BCAR3: variants seen among roughly 807,000 people sequenced by gnomAD.
BCAR3 encodes breast cancer anti-estrogen resistance protein 3.
Under a neutral mutation model 80.1 loss-of-function variants are expected in BCAR3, and 37 were observed. That is an observed-to-expected ratio of 0.46 (90% CI 0.36 to 0.61). The LOEUF is 0.61. Among genes scored for constraint, BCAR3 ranks in the 20% least tolerant of loss-of-function variants. The pLI is 0.00. For missense variants in BCAR3, 978 were observed against 1,068.2 expected (o/e 0.92, Z 1.18); for synonymous variants, 389 against 418.9 (o/e 0.93, Z 0.87).
chr1:93,787,432 T>C (rs1271791717), intron 2 of BCAR3, among the ~76,000 whole-genome samples: 2 of 152,194 alleles, frequency 1.3e-5, no homozygotes, highest in African/African-American at 4.8e-5. Context: ...TTCAAACTTT[T>C]TGATGTAGGG....
At chr1:93,669,488 A>C (rs1476224625) in intron 2 of BCAR3, among the ~76,000 whole-genome samples, 1 of 152,190 alleles carries the variant, frequency 6.6e-6, no homozygotes, top group Non-Finnish European at 1.5e-5. Context: ...CAGTTAAAAC[A>C]CTTGTGACGA....
At chr1:93,754,659 T>G (rs2100715632) in intron 2 of BCAR3, among the ~76,000 whole-genome samples, 1 of 152,348 alleles carries the variant, frequency 6.6e-6, no homozygotes, top group East Asian at 1.9e-4. Context: ...AACATCGCAG[T>G]GCAGTGCATT....
At chr1:93,735,934 A>G (rs577245957) in intron 2 of BCAR3, among the ~76,000 whole-genome samples, 63 of 152,304 alleles carry the variant, frequency 4.1e-4, no homozygotes, top group African/African-American at 1.4e-3. Context: ...GGTTGTATCT[A>G]TGAGTGGGTG....
chr1:93,702,717 A>G (rs1185358505), intron 3 of BCAR3, among the ~76,000 whole-genome samples: 1 of 152,242 alleles, frequency 6.6e-6, no homozygotes, highest in Non-Finnish European at 1.5e-5. Flanking sequence ...GCCCAGTGGC[A>G]TGGAACAGGC....
chr1:93,740,487 C>T (rs771218190), intron 2 of BCAR3, among the ~76,000 whole-genome samples: 13 of 152,188 alleles, frequency 8.5e-5, no homozygotes, highest in Non-Finnish European at 1.8e-4. Context: ...CTCAGTGGGC[C>T]CTGGGTGGGC....
chr1:93,659,175 T>G (rs1313422403), intron 2 of BCAR3, among the ~76,000 whole-genome samples: 1 of 152,152 alleles, frequency 6.6e-6, no homozygotes, highest in Admixed American at 6.5e-5. Flanking sequence ...GAAACAGAGA[T>G]AGCAACAGGT....
chr1:93,763,670 C>G (rs1652038215), intron 2 of BCAR3, among the ~76,000 whole-genome samples: 5 of 152,188 alleles, frequency 3.3e-5, no homozygotes, highest in Admixed American at 3.3e-4. Context: ...TCCTGCCCAC[C>G]TCTCTCTCCA....
At chr1:93,719,666 A>C (rs1209476702) in intron 2 of BCAR3, among the ~76,000 whole-genome samples, 1 of 152,146 alleles carries the variant, frequency 6.6e-6, no homozygotes, top group Non-Finnish European at 1.5e-5. Context: ...TTCAATGTGG[A>C]AATGCAGGCA....
rs1179171463 is a variant in BCAR3 at position 93,718,153 on chromosome 1, T to G, written c.-62-12011A>C. Among the ~76,000 whole-genome samples, 3 of 152,202 alleles carry G rather than the reference T, an allele frequency of 2.0e-5. No homozygotes were observed. The South Asian group carries it at 6.2e-4, about 32-fold the overall frequency. ...ACTCCTGCATTCTTGTAGCAGATGTTGAATTCCAATCAGAGGATGAGGAGA... is the reference window on the plus strand; with the variant it reads ...ACTCCTGCATTCTTGTAGCAGATGTGGAATTCCAATCAGAGGATGAGGAGA... On this transcript the variant is annotated intron_variant, in intron 2 of 13. Coordinates refer to the BCAR3 transcript ENST00000370244.
intron 7 of BCAR3, among the ~76,000 whole-genome samples, chr1:93,578,456 A>C (rs1673550319): frequency 6.6e-6 from 1 of 152,122 alleles, no homozygotes; most frequent in Admixed American, 6.5e-5. Flanking sequence ...ACCCACACAG[A>C]ATGAATCTGC....
intron 3 of BCAR3, among the ~76,000 whole-genome samples, chr1:93,606,234 C>T (rs542367495): frequency 6.6e-6 from 1 of 152,288 alleles, no homozygotes; most frequent in South Asian, 2.1e-4. Context: ...AGCAAACATC[C>T]TACATGTCAT....
At chr1:93,822,859 G>A (rs1654278676) in intron 2 of BCAR3, among the ~76,000 whole-genome samples, 1 of 79,218 alleles carries the variant, frequency 1.3e-5, no homozygotes, top group African/African-American at 3.2e-5. Context: ...CTGACTAATA[G>A]AGCTCCCTTT....
chr1:93,756,185 C>T (rs546173600), intron 2 of BCAR3, among the ~76,000 whole-genome samples: 1 of 152,190 alleles, frequency 6.6e-6, no homozygotes, highest in Non-Finnish European at 1.5e-5. Context: ...TCTTTAATTG[C>T]ATGCAGTGGT....
At chr1:93,613,907 G>C in intron 3 of BCAR3, 1 of 1,550,592 alleles carries the variant, frequency 6.4e-7, no homozygotes, top group Non-Finnish European at 8.7e-7. Context: ...AGAGGGCGTG[G>C]AAAGCACTGC....
chr1:93,829,317 G>A (rs1654478993), intron 2 of BCAR3, among the ~76,000 whole-genome samples: 1 of 151,988 alleles, frequency 6.6e-6, no homozygotes, highest in Non-Finnish European at 1.5e-5. Context: ...GATTTTACCT[G>A]GAGGCTGCTG....
At position 93,586,114 on chromosome 1, in the gene BCAR3, T is replaced by G. The variant is rs186829965; in HGVS notation, c.930-1993A>C. ...ATAATTGTTTTGACTACAGTCACCC[T>G]ATTGTGTTATCAAATAAGTCTTATT... On this transcript the variant is annotated intron_variant, in intron 5 of 11. Coordinates refer to ENST00000260502, the MANE Select transcript of BCAR3 (RefSeq NM_003567.4). This position sits in a 1 kb window ranked among gnomAD's most constrained non-coding sequence, Gnocchi z 4.2. Among the ~76,000 whole-genome samples, 124 of 152,298 alleles carry G rather than the reference T, an allele frequency of 8.1e-4. No homozygotes were observed. The highest frequency in any genetic ancestry group is 2.7e-3 in the African/African-American group (113 of 41,568).
At chr1:93,770,390 T>A (rs1477340140) in intron 2 of BCAR3, among the ~76,000 whole-genome samples, 1 of 152,044 alleles carries the variant, frequency 6.6e-6, no homozygotes, top group East Asian at 1.9e-4. Context: ...ACTTGAATGA[T>A]TGCTAAAAAT....
At chr1:93,779,677 A>G (rs778865215) in intron 2 of BCAR3, among the ~76,000 whole-genome samples, 15 of 152,226 alleles carry the variant, frequency 9.9e-5, no homozygotes, top group Admixed American at 2.0e-4. Flanking sequence ...CAGCGCTTTA[A>G]GTAATTGCTT....
At chr1:93,678,797 CCAGT>C (rs891827314) in intron 1 of BCAR3, among the ~76,000 whole-genome samples, 22 of 152,036 alleles carry the variant, frequency 1.4e-4, no homozygotes, top group Admixed American at 4.6e-4. Flanking sequence ...AGGGAAGGAG[CCAGT>C]CAAAAAAAGG....
Sources: allele counts gnomAD v4.1 joint callset (sites outside exome capture counted in the v4.1 genomes callset), GRCh38; gene constraint gnomAD v4.1.1; non-coding constraint Gnocchi (gnomAD v3.1); transcripts MANE v1.5; gene names NCBI Gene and HGNC (gene_info 2026-07-23, HGNC 2026-07-21).